The following ARAP3 variants were observed in gnomAD, a reference collection of about 807,000 sequenced individuals.
ARAP3 encodes arf-GAP with Rho-GAP domain, ANK repeat and PH domain-containing protein 3.
In ARAP3, 82 loss-of-function variants were observed where a neutral mutation model predicts 169.2. That is an observed-to-expected ratio of 0.48 (90% CI 0.41 to 0.58). The LOEUF is 0.58. Among genes scored for constraint, ARAP3 ranks in the 20% least tolerant of loss-of-function variants. The pLI, the probability that ARAP3 is intolerant of heterozygous loss-of-function variation, is 0.00. For synonymous variants in ARAP3, 791 were observed against 800.3 expected (o/e 0.99, Z 0.20); for missense variants, 1,764 against 2,018.0 (o/e 0.87, Z 2.41).
intron 23 of ARAP3, among the ~76,000 whole-genome samples, chr5:141,659,015 A>T (rs2099909588): frequency 2.0e-5 from 3 of 152,204 alleles, no homozygotes; most frequent in African/African-American, 7.2e-5. Flanking sequence ...GAGATTAGAG[A>T]TGCTTGGAAT....
At chr5:141,674,677 C>T (rs1051698337) in intron 4 of ARAP3, among the ~76,000 whole-genome samples, 2 of 152,146 alleles carry the variant, frequency 1.3e-5, no homozygotes, top group Non-Finnish European at 2.9e-5. Flanking sequence ...TCTTCTTTGC[C>T]GTTAGTATGA....
At chr5:141,673,320 A>G in intron 6 of ARAP3, 81 bp downstream of exon 6, 18 of 1,512,312 alleles carry the variant, frequency 1.2e-5, no homozygotes, top group Non-Finnish European at 1.5e-5. Flanking sequence ...CACACAATGG[A>G]CTTCCCTCCT....
intron 4 of ARAP3, among the ~76,000 whole-genome samples, chr5:141,674,525 T>G (rs1055278526): frequency 6.6e-6 from 1 of 152,204 alleles, no homozygotes; most frequent in Non-Finnish European, 1.5e-5. Flanking sequence ...CCCGAATTGC[T>G]GGGGTTACAG....
rs779573946 is a variant in ARAP3 at position 141,656,616 on chromosome 5, C to T, written c.3677G>A (p.Arg1226Gln). Residue 1226 changes from arginine (R) to glutamine (Q), a missense_variant, in exon 27 of 33, where the codon CGG becomes CAG. Physicochemically the swap from Arg to Gln is conservative, Grantham distance 43. This residue lies in a region of ARAP3 where 1,112 missense variants were observed against 1,285.7 expected (regional missense o/e 0.86). Transcript: ENST00000239440. ...CTCACGACACCGCAACAGCCCCACC[C>T]GTGGGCTCTCACGTCGGATACCTGG... ...LFTGIRRESP[R>Q]VGLLRCREEP... The T allele has an allele frequency of 6.2e-6, 10 of 1,613,328 alleles. No individual in the cohort carries two copies. The highest frequency in any genetic ancestry group is 1.7e-5 in the Admixed American group (1 of 59,872).
At chr5:141,661,288 T>G (rs1171562878) in intron 21 of ARAP3, among the ~76,000 whole-genome samples, 1 of 152,176 alleles carries the variant, frequency 6.6e-6, no homozygotes, top group Non-Finnish European at 1.5e-5. Context: ...AGTCTCAAAC[T>G]CCTGGCCTTA....
At chr5:141,662,380 T>A in intron 19 of ARAP3, 125 bp from the exon 20 acceptor site, 2 of 855,958 alleles carry the variant, frequency 2.3e-6, no homozygotes, top group South Asian at 1.7e-5. Context: ...GAGGAGGAGA[T>A]CTATGCCTCC....
At chr5:141,667,789 C>G (rs1311174837) in intron 16 of ARAP3, among the ~76,000 whole-genome samples, 1 of 150,694 alleles carries the variant, frequency 6.6e-6, no homozygotes, top group Admixed American at 6.6e-5. Flanking sequence ...AGCCTGTAAT[C>G]CCAGCACTTT....
chr5:141,668,768 G>A (rs1208210412), intron 16 of ARAP3, among the ~76,000 whole-genome samples: 1 of 152,228 alleles, frequency 6.6e-6, no homozygotes, highest in Non-Finnish European at 1.5e-5. Flanking sequence ...ATGCTGCAGA[G>A]ATGACCTGGT....
At chr5:141,678,365 C>T (rs1031420867) in intron 4 of ARAP3, among the ~76,000 whole-genome samples, 2 of 152,208 alleles carry the variant, frequency 1.3e-5, no homozygotes, top group African/African-American at 4.8e-5. Context: ...TCCCTTTGGG[C>T]ACACACCCGC....
chr5:141,660,541 A>G (rs1323990582), intron 21 of ARAP3, among the ~76,000 whole-genome samples: 1 of 151,880 alleles, frequency 6.6e-6, no homozygotes, highest in East Asian at 1.9e-4. Flanking sequence ...GTGGCTTTAC[A>G]CTTTATGTAC....
chr5:141,654,193 CT>C lies in ARAP3; in HGVS notation c.4391del (p.Glu1464GlyfsTer18), dbSNP rs756253001. 6.2e-7 allele frequency: 1 copy of C among 1,614,030 alleles called. No homozygotes were observed. The highest frequency in any genetic ancestry group is 8.5e-7 in the Non-Finnish European group (1 of 1,179,936). ...TCTTTGAAGGGGGGCCTGGAGGGGGCTCAGGTGGCCTCTCCTCCTGGCCAAG... is the reference window on the plus strand; with the variant it reads ...TCTTTGAAGGGGGGCCTGGAGGGGGCCAGGTGGCCTCTCCTCCTGGCCAAG... The part of the protein sequence containing the change: ...STLGQEERPP[E>X]PPPGPPSKSS... On this transcript the variant is annotated frameshift_variant, in exon 33 of 33. Transcript: ENST00000239440. LOFTEE classifies it high-confidence loss of function.
intron 4 of ARAP3, among the ~76,000 whole-genome samples, chr5:141,679,096 C>T (rs6889453): frequency 0.038 from 5,812 of 152,166 alleles, 366 homozygotes; most frequent in African/African-American, 0.13. Context: ...CGAGACCAGC[C>T]TGGCCAACAT....
intron 4 of ARAP3, among the ~76,000 whole-genome samples, chr5:141,679,181 C>T (rs1481625814): frequency 6.6e-6 from 1 of 152,234 alleles, no homozygotes. Context: ...CCCAGCTACT[C>T]GGGAGCCTGA....
In ARAP3 at chr5:141,672,491, T is replaced by C. The variant is rs143192485; in HGVS notation, c.1385+61A>G. On this transcript the variant is annotated intron_variant, in intron 9 of 32. Coordinates refer to ENST00000239440, the MANE Select transcript of ARAP3 (RefSeq NM_022481.6). This position sits in a 1 kb window ranked among gnomAD's most constrained non-coding sequence, Gnocchi z 4.9. ...CCTACTAAAGAGGCCTCTAGTCCTCTGCACCCTTGTGCCTCCCGCAAAAGT... is the reference window on the plus strand; with the variant it reads ...CCTACTAAAGAGGCCTCTAGTCCTCCGCACCCTTGTGCCTCCCGCAAAAGT... 2.4e-3 allele frequency: 3,878 copies of C among 1,584,128 alleles called. 50 individuals are homozygous for C. In the South Asian group the frequency reaches 0.025, roughly 10 times the overall value.
Position 141,659,392 on chromosome 5 carries a change from G to T in ARAP3, c.3336+16C>A, listed in dbSNP as rs746308801. 4 of 1,612,370 alleles carry T rather than the reference G, an allele frequency of 2.5e-6. No individual in the cohort carries two copies. In the African/African-American group the frequency reaches 5.3e-5, roughly 22 times the overall value. ...CCTCCTGCCCCATTCAGGAGACTAAGGTCAGGACGAGTTACCTGCACGTCC... is the reference window on the plus strand; with the variant it reads ...CCTCCTGCCCCATTCAGGAGACTAATGTCAGGACGAGTTACCTGCACGTCC... On this transcript the variant is annotated intron_variant, in intron 23 of 32. Transcript: ENST00000239440.
Position 141,679,744 on chromosome 5 carries a change from C to T in ARAP3, c.586+17G>A, listed in dbSNP as rs150903986. The T allele has an allele frequency of 1.5e-3, 2,479 of 1,614,124 alleles. 2 individuals are homozygous for T. The highest frequency in any genetic ancestry group is 1.9e-3 in the Non-Finnish European group (2,278 of 1,180,012). Reference sequence around the variant, plus strand: ...CCGGCACTATCCCTCTCCCCCAACCCGTGATAACCCAGTTACCTGTGCCTG... The same window carrying T: ...CCGGCACTATCCCTCTCCCCCAACCTGTGATAACCCAGTTACCTGTGCCTG... On this transcript the variant is annotated intron_variant, in intron 3 of 32. Coordinates refer to ENST00000239440, the MANE Select transcript of ARAP3 (RefSeq NM_022481.6).
chr5:141,655,234 A>ACACC (rs2099909097), intron 32 of ARAP3, 128 bp downstream of exon 32: 3 of 900,740 alleles, frequency 3.3e-6, no homozygotes, highest in Non-Finnish European at 5.1e-6. Context: ...CTACACACAC[A>ACACC]CACACACACA....
chr5:141,671,465 A>G lies in ARAP3; in HGVS notation c.1855-65T>C. 6.3e-7 allele frequency: 1 copy of G among 1,598,898 alleles called. No homozygotes were observed. The highest frequency in any genetic ancestry group is 1.7e-5 in the Admixed American group (1 of 58,656). On this transcript the variant is annotated intron_variant, in intron 12 of 32. Coordinates refer to ENST00000239440, the MANE Select transcript of ARAP3 (RefSeq NM_022481.6). This position sits in a 1 kb window ranked among gnomAD's most constrained non-coding sequence, Gnocchi z 4.9. ...AACTGAGAGCACTGGGGACAGTCGT[A>G]TCATCACTAAAAACAGTCCCCACCA...
chr5:141,658,458 C>T lies in ARAP3; in HGVS notation c.3433G>A (p.Glu1145Lys). The change falls in exon 25 of 33, where the codon GAG (glutamate) becomes AAG (lysine). Residue 1145 changes from glutamate (E) to lysine (K), a missense_variant. Physicochemically the swap from Glu to Lys is moderately conservative, Grantham distance 56 (BLOSUM62 1). This residue lies in a region of ARAP3 where 1,112 missense variants were observed against 1,285.7 expected (regional missense o/e 0.86). Coordinates refer to ENST00000239440, the MANE Select transcript of ARAP3 (RefSeq NM_022481.6). ...TCCAGTACCTGGTTAGTCAGCTCCT[C>T]AGCAGTCAGGGTTGGGGACACCTGG... ...TLKVSPTLTA[E>K]ELTNQVLEMR... 2 of 1,614,150 alleles carry T rather than the reference C, an allele frequency of 1.2e-6. No homozygotes were observed. Among genetic ancestry groups the T allele is most frequent in the Non-Finnish European group, 1.7e-6 (2 of 1,180,028 alleles).
Sources: gnomAD v4.1 joint callset for allele counts (sites outside exome capture counted in the v4.1 genomes callset) on GRCh38, gnomAD v4.1.1 for gene constraint, gnomAD v4.1.1 regional missense constraint, Gnocchi (gnomAD v3.1) non-coding constraint, MANE v1.5 for transcripts, NCBI Gene and HGNC (gene_info 2026-07-23, HGNC 2026-07-21) for gene names.